The following COPG2 variants were observed in gnomAD, a reference collection of about 807,000 sequenced individuals.
COPG2 encodes coatomer subunit gamma-2.
COPG2 carries 37 observed loss-of-function variants against 46.3 expected under a neutral mutation model. The ratio of observed to expected loss-of-function variants is 0.80; its 90% CI spans 0.61 to 1.05. The LOEUF is 1.05. Ranked by LOEUF, COPG2 falls within the 50% of genes least tolerant of loss-of-function variation. The pLI is 0.00. For missense variants in COPG2, 427 were observed against 387.8 expected, an observed-to-expected ratio of 1.10 and a Z score of -0.85; for synonymous variants, 159 against 129.7, an observed-to-expected ratio of 1.23 and a Z score of -1.53.
At chr7:130,590,950 A>G (rs147138679) in intron 9 of COPG2, among the ~76,000 whole-genome samples, 115,558 of 147,084 alleles carry the variant, frequency 0.79, 45,449 homozygotes, top group Non-Finnish European at 0.85. Flanking sequence ...CAGCCACACC[A>G]TCTGAGAAGT....
intron 9 of COPG2, among the ~76,000 whole-genome samples, chr7:130,578,933 T>C (rs1554446735): frequency 6.7e-6 from 1 of 149,292 alleles, no homozygotes; most frequent in Non-Finnish European, 1.5e-5. Flanking sequence ...TGCAGGATAT[T>C]ATCCAGCAGA....
chr7:130,556,525 C>A (rs2116394860), intron 12 of COPG2, among the ~76,000 whole-genome samples: 1 of 152,196 alleles, frequency 6.6e-6, no homozygotes. Context: ...GAAAGAAAAT[C>A]TCCATAATGT....
chr7:130,593,597 G>C (rs1259770821), intron 9 of COPG2, among the ~76,000 whole-genome samples: 2 of 152,164 alleles, frequency 1.3e-5, no homozygotes, highest in Admixed American at 1.3e-4. Flanking sequence ...TGGTGAATAT[G>C]AGTCCAGAAA....
At chr7:130,666,674 T>C (rs1796084137) in intron 3 of COPG2, among the ~76,000 whole-genome samples, 175 bp downstream of exon 3, 1 of 152,214 alleles carries the variant, frequency 6.6e-6, no homozygotes, top group Non-Finnish European at 1.5e-5. Flanking sequence ...TCAACCTGTA[T>C]ATGTCATAGT....
At position 130,548,555 on chromosome 7, in the gene COPG2, A is replaced by G. The variant is rs961526084; in HGVS notation, c.1838-13T>C. 10 of 398,468 alleles carry G rather than the reference A, an allele frequency of 2.5e-5. No homozygotes were observed. Among genetic ancestry groups the G allele is most frequent in the African/African-American group, 2.1e-4 (10 of 48,628 alleles). The allele number at this position is 398,468 out of a possible 1,614,324, so 24.7% of individuals were successfully genotyped here. ...GCAGCCAATTGTTCTATCAAGAAAA[A>G]AGAACGTAGGCTATGAAGAAGACAG... On this transcript the variant is annotated splice_polypyrimidine_tract_variant and intron_variant, in intron 18 of 23. Transcript: ENST00000425248.
chr7:130,650,428 T>C (rs1325203213), intron 5 of COPG2, among the ~76,000 whole-genome samples: 2 of 152,180 alleles, frequency 1.3e-5, no homozygotes, highest in African/African-American at 2.4e-5. Context: ...GAGGCAAGTA[T>C]TGACAGCGCT....
intron 3 of COPG2, among the ~76,000 whole-genome samples, chr7:130,665,207 T>G (rs934192400): frequency 3.3e-5 from 5 of 152,092 alleles, no homozygotes; most frequent in African/African-American, 9.7e-5. Flanking sequence ...TATGTGCTTG[T>G]TGCTTAGTCT....
At chr7:130,513,248 AC>A (rs1196133235) in intron 20 of COPG2, among the ~76,000 whole-genome samples, 3 of 143,210 alleles carry the variant, frequency 2.1e-5, no homozygotes, top group Non-Finnish European at 3.0e-5. Context: ...ATCAGGCCAC[AC>A]TGCACTCCAG....
intron 9 of COPG2, among the ~76,000 whole-genome samples, chr7:130,589,812 GCATTTCCT>G (rs1794360179): frequency 6.6e-6 from 1 of 152,096 alleles, no homozygotes; most frequent in Non-Finnish European, 1.5e-5. Context: ...ATTGGCAGGT[GCATTTCCT>G]CATCTGGAGC....
chr7:130,506,696 T>C lies in COPG2; in HGVS notation c.2596A>G (p.Ile866Val). 1 of 779,914 alleles carries C rather than the reference T, an allele frequency of 1.3e-6. No homozygotes were observed. Among genetic ancestry groups the C allele is most frequent in the South Asian group, 1.3e-5 (1 of 74,556 alleles). 48.3% of individuals were successfully genotyped at this position (779,914 alleles called of 1,614,324 possible). The stretch of plus-strand genomic sequence containing the variant: ...AGCATTTATCCAACAGAAGCTAAGA[T>C]AACATCTACAGGTGTTCTCTCTTTA... ...RSKERTPVDV[I>V]LASVG The change falls in exon 24 of 24, where the codon ATC becomes GTC. Residue 866 changes from isoleucine (I) to valine (V), a missense_variant. Coordinates refer to ENST00000425248, the MANE Select transcript of COPG2 (RefSeq NM_012133.6).
At chr7:130,556,096 G>C (rs1316758633) in intron 12 of COPG2, among the ~76,000 whole-genome samples, 2 of 152,174 alleles carry the variant, frequency 1.3e-5, no homozygotes, top group African/African-American at 4.8e-5. Context: ...ATAATACCTG[G>C]TCTTGCAGTA....
At chr7:130,644,646 AC>A (rs1421453495) in intron 5 of COPG2, among the ~76,000 whole-genome samples, 30 of 152,266 alleles carry the variant, frequency 2.0e-4, no homozygotes, top group African/African-American at 6.5e-4. Flanking sequence ...TTAAGTGAAT[AC>A]CTTGGAAGCT....
At position 130,573,360 on chromosome 7, in the gene COPG2, A is replaced by G. The variant is rs1259034044; in HGVS notation, c.738-8967T>C. 2.6e-5 allele frequency among the ~76,000 whole-genome samples: 4 copies of G among 152,100 alleles called. No homozygotes were observed. The East Asian group carries it at 7.7e-4, about 29-fold the overall frequency. On this transcript the variant is annotated intron_variant, in intron 9 of 23. Coordinates refer to ENST00000425248, the MANE Select transcript of COPG2 (RefSeq NM_012133.6). ...AACCAACTAATTCTATGAAGCTAGT[A>G]CTATTCAGATAAAAAAGCATGACAA...
At chr7:130,668,442 G>A (rs1796141974) in intron 1 of COPG2, among the ~76,000 whole-genome samples, 190 bp downstream of exon 1, 2 of 148,926 alleles carry the variant, frequency 1.3e-5, no homozygotes, top group African/African-American at 4.9e-5. Flanking sequence ...GGGAGGCTCC[G>A]GCGCCCGGGG....
At chr7:130,510,621 TAA>T (rs1386597022) in intron 20 of COPG2, among the ~76,000 whole-genome samples, 6 of 152,010 alleles carry the variant, frequency 3.9e-5, no homozygotes, top group Non-Finnish European at 8.8e-5. Flanking sequence ...TATGTGGAGG[TAA>T]AGACAGAAGA....
Position 130,506,630 on chromosome 7 carries a change from C to CACTG in COPG2, c.*42_*45dup, listed in dbSNP as rs1799493604. 1.4e-6 allele frequency: 1 copy of CACTG among 719,060 alleles called. No individual in the cohort carries two copies. The highest frequency in any genetic ancestry group is 2.0e-5 in the Admixed American group (1 of 50,738). 44.5% of individuals were successfully genotyped at this position (719,060 alleles called of 1,614,324 possible). On this transcript the variant is annotated 3_prime_UTR_variant, in exon 24 of 24. Transcript: ENST00000425248. The stretch of plus-strand genomic sequence containing the variant: ...AACTGATGCCACTAGCCTAAAAGCC[C>CACTG]ACTGACCATGTAGTGTGCATCAGTT...
intron 5 of COPG2, among the ~76,000 whole-genome samples, chr7:130,619,728 A>G (rs1795005857): frequency 6.6e-6 from 1 of 152,196 alleles, no homozygotes; most frequent in Admixed American, 6.5e-5. Flanking sequence ...TTTCAAGAAA[A>G]GCTCACAGGT....
At position 130,666,894 on chromosome 7, in the gene COPG2, T is replaced by C. The variant is rs782720156; in HGVS notation, c.126A>G (p.Arg42=). The C allele has an allele frequency of 5.7e-6, 9 of 1,568,682 alleles. No individual in the cohort carries two copies. The East Asian group carries it at 2.0e-4, about 35-fold the overall frequency. Residue 42 remains arginine (R), a synonymous_variant, in exon 3 of 24, where the codon AGA becomes AGG. Transcript: ENST00000425248. The part of the protein sequence containing the change: ...RIFNETPINP[R]RCLHILTKIL... ...TCTTTGTAAGAATATGCAAACATCT[T>C]CTTGGATTGATTGGAGTTTCATTGA...
chr7:130,546,711 G>A (rs1213464342), intron 20 of COPG2: 1 of 152,174 alleles, frequency 6.6e-6, no homozygotes, highest in Non-Finnish European at 1.5e-5. Context: ...CAACATCTAA[G>A]AAGGGAGTTT....
Sources: gnomAD v4.1 joint callset for allele counts (sites outside exome capture counted in the v4.1 genomes callset) on GRCh38, gnomAD v4.1.1 for gene constraint, MANE v1.5 for transcripts, NCBI Gene and HGNC (gene_info 2026-07-23, HGNC 2026-07-21) for gene names.